Variants in IRF2 observed in about 807,000 individuals in gnomAD.
IRF2 encodes interferon regulatory factor 2.
In IRF2, 15 loss-of-function variants were observed where a neutral mutation model predicts 40.6. That is an observed-to-expected ratio of 0.37 (90% CI 0.25 to 0.57). The LOEUF is 0.57. Among genes scored for constraint, IRF2 ranks in the 20% least tolerant of loss-of-function variants. IRF2 has a pLI of 0.77. For missense variants in IRF2, 317 were observed against 455.7 expected, an observed-to-expected ratio of 0.70 and a Z score of 2.77; for synonymous variants, 151 against 165.5, an observed-to-expected ratio of 0.91 and a Z score of 0.67.
intron 5 of IRF2, among the ~76,000 whole-genome samples, chr4:184,409,306 T>C (rs1478222116): frequency 6.6e-6 from 1 of 152,042 alleles, no homozygotes; most frequent in African/African-American, 2.4e-5. Context: ...TATACACTAC[T>C]TGGAATCAAT....
chr4:184,412,842 C>G (rs1343971668), intron 5 of IRF2, among the ~76,000 whole-genome samples: 1 of 152,188 alleles, frequency 6.6e-6, no homozygotes, highest in Admixed American at 6.5e-5. Context: ...GTCTGCATCT[C>G]TTAGAGAAGG....
intron 1 of IRF2, among the ~76,000 whole-genome samples, chr4:184,443,362 A>C (rs1335966073): frequency 6.6e-6 from 1 of 152,086 alleles, no homozygotes; most frequent in African/African-American, 2.4e-5. Context: ...CCCTTGCCCT[A>C]CTTCCTCTCT....
At chr4:184,399,184 C>T in intron 6 of IRF2, 105 bp from the exon 7 acceptor site, 1 of 1,169,510 alleles carries the variant, frequency 8.6e-7, no homozygotes, top group Non-Finnish European at 1.2e-6. Flanking sequence ...GCCAGGCTCC[C>T]ATCACCATCT....
intron 1 of IRF2, among the ~76,000 whole-genome samples, chr4:184,434,259 G>A (rs1737996699): frequency 6.6e-6 from 1 of 152,210 alleles, no homozygotes; most frequent in Non-Finnish European, 1.5e-5. Flanking sequence ...AGGACATTGT[G>A]TCGCGACCTT....
At chr4:184,419,064 T>A (rs1020409707) in intron 3 of IRF2, among the ~76,000 whole-genome samples, 7 of 152,190 alleles carry the variant, frequency 4.6e-5, no homozygotes, top group Non-Finnish European at 8.8e-5. Context: ...TGAGTGCCTC[T>A]TTTTCATCTG....
intron 6 of IRF2, among the ~76,000 whole-genome samples, chr4:184,402,995 C>T (rs546703123): frequency 5.9e-5 from 9 of 152,226 alleles, no homozygotes; most frequent in East Asian, 5.8e-4. Context: ...ATCCTGAATG[C>T]GGCTGACCAG....
At chr4:184,409,480 T>C (rs2149896956) in intron 5 of IRF2, among the ~76,000 whole-genome samples, 1 of 152,356 alleles carries the variant, frequency 6.6e-6, no homozygotes, top group African/African-American at 2.4e-5. Context: ...GTTTACCAGA[T>C]GTCCCGAAGG....
Position 184,429,130 on chromosome 4 carries a change from C to T in IRF2, c.-6-60G>A, listed in dbSNP as rs1018662957. On this transcript the variant is annotated intron_variant, in intron 1 of 8. Coordinates refer to ENST00000393593, the MANE Select transcript of IRF2 (RefSeq NM_002199.4). ...GCCACTCAGTGTGGTGTCTGCACTG[C>T]AGAGTTCTACACCCCGCCTGACTCT... 2.5e-5 allele frequency: 32 copies of T among 1,266,734 alleles called. No homozygotes were observed. In the African/African-American group the frequency reaches 4.0e-4, roughly 16 times the overall value. 78.5% of individuals were successfully genotyped at this position (1,266,734 alleles called of 1,614,324 possible).
intron 7 of IRF2, among the ~76,000 whole-genome samples, chr4:184,396,001 A>C (rs1369310321): frequency 6.6e-6 from 1 of 152,242 alleles, no homozygotes; most frequent in Non-Finnish European, 1.5e-5. Flanking sequence ...TCAACAGATA[A>C]ACATAGAAGT....
chr4:184,390,859 C>T lies in IRF2; in HGVS notation c.695-110G>A. On this transcript the variant is annotated intron_variant, in intron 7 of 8. Transcript: ENST00000393593. ...CTGAGTAACTAAACGCATCACCTCCCTCCCTTTGTAAAGCGAAACATTCTA... is the reference window on the plus strand; with the variant it reads ...CTGAGTAACTAAACGCATCACCTCCTTCCCTTTGTAAAGCGAAACATTCTA... The T allele has an allele frequency of 7.5e-6, 8 of 1,067,762 alleles. No individual in the cohort carries two copies. The South Asian group carries it at 1.1e-4, about 14-fold the overall frequency. 66.1% of individuals were successfully genotyped at this position (1,067,762 alleles called of 1,614,324 possible). A position where few individuals can be genotyped will look rare whatever the true frequency, so the allele number is the denominator to read the frequency against.
intron 2 of IRF2, among the ~76,000 whole-genome samples, chr4:184,423,349 C>T (rs143122726): frequency 2.3e-4 from 35 of 152,354 alleles, no homozygotes; most frequent in African/African-American, 7.7e-4. Flanking sequence ...CGCTGCTTGA[C>T]TTCAGAAAAG....
chr4:184,396,943 CAACAACAACA>C (rs1457691287), intron 7 of IRF2, among the ~76,000 whole-genome samples: 5 of 152,044 alleles, frequency 3.3e-5, no homozygotes, highest in African/African-American at 4.8e-5. Context: ...TTTCTATTAA[CAACAACAACA>C]AACAACAACA....
intron 7 of IRF2, 82 bp downstream of exon 7, chr4:184,398,833 G>T: frequency 6.3e-6 from 8 of 1,267,690 alleles, no homozygotes; most frequent in Non-Finnish European, 8.6e-6. Context: ...GATGCTCCGT[G>T]GGGTGGTGAG....
Position 184,419,530 on chromosome 4 carries a change from A to G in IRF2, c.126T>C (p.Ala42=), listed in dbSNP as rs1207661980. Residue 42 remains alanine, a synonymous_variant, in exon 3 of 9, where the codon GCT becomes GCC. Coordinates refer to ENST00000393593, the MANE Select transcript of IRF2 (RefSeq NM_002199.4). ...CTTTTTCCACATCCCACCCATGTCT[A>G]GCCGCATGCATCCAGGGGATCTGAA... ...KIFQIPWMHA[A]RHGWDVEKDA... 6.4e-7 allele frequency: 1 copy of G among 1,569,940 alleles called. No individual in the cohort carries two copies. The highest frequency in any genetic ancestry group is 1.4e-5 in the African/African-American group (1 of 73,334).
rs148407281 is a variant in IRF2, at chr4:184,395,619, T to G, written c.694+3296A>C. Among the ~76,000 whole-genome samples, 107 of 152,302 alleles carry G rather than the reference T, an allele frequency of 7.0e-4. 1 individual carries two copies. Among genetic ancestry groups the G allele is most frequent in the Middle Eastern group, 3.4e-3 (1 of 294 alleles). ...ACGGAGGAACTAAAATTAGCTACAG[T>G]CAGTAGCAGGGAAATGTTTTACACC... On this transcript the variant is annotated intron_variant, in intron 7 of 8. Coordinates refer to ENST00000393593, the MANE Select transcript of IRF2 (RefSeq NM_002199.4).
chr4:184,417,220 T>C (rs1228701680), intron 5 of IRF2, among the ~76,000 whole-genome samples: 1 of 152,176 alleles, frequency 6.6e-6, no homozygotes, highest in Non-Finnish European at 1.5e-5. Flanking sequence ...TAAATTTTAC[T>C]CAACTGTCTC....
intron 2 of IRF2, among the ~76,000 whole-genome samples, chr4:184,420,905 A>T (rs1737459838): frequency 6.6e-6 from 1 of 152,064 alleles, no homozygotes; most frequent in African/African-American, 2.4e-5. Flanking sequence ...AGGTCATGCG[A>T]CTCCATATGC....
intron 5 of IRF2, among the ~76,000 whole-genome samples, chr4:184,415,762 C>T (rs1001059689): frequency 6.6e-6 from 1 of 152,226 alleles, no homozygotes; most frequent in Non-Finnish European, 1.5e-5. Flanking sequence ...GAAATTAAAT[C>T]TGCATCCTAA....
At chr4:184,429,389 G>A (rs1261110183) in intron 1 of IRF2, among the ~76,000 whole-genome samples, 3 of 152,178 alleles carry the variant, frequency 2.0e-5, no homozygotes, top group Admixed American at 6.5e-5. Context: ...TGCACTGGCC[G>A]TGTTTTGAGG....
Sources: allele counts gnomAD v4.1 joint callset (sites outside exome capture counted in the v4.1 genomes callset), GRCh38; gene constraint gnomAD v4.1.1; transcripts MANE v1.5; gene names NCBI Gene and HGNC (gene_info 2026-07-23, HGNC 2026-07-21).